The following SORCS2 variants were observed in gnomAD, a reference collection of about 807,000 sequenced individuals.
SORCS2 encodes the protein sortilin related VPS10 domain containing receptor 2.
A neutral mutation model predicts 141.6 loss-of-function variants in SORCS2; 100 were observed. That is an observed-to-expected ratio of 0.71 (90% CI 0.60 to 0.83). The LOEUF (loss-of-function observed/expected upper bound fraction) is 0.83, where lower values mean the gene tolerates loss of function less well. Among genes scored for constraint, SORCS2 ranks in the 40% least tolerant of loss-of-function variants. SORCS2 has a pLI of 0.00. For missense variants in SORCS2, 1,646 were observed against 1,560.2 expected (o/e 1.05, Z -0.93); for synonymous variants, 789 against 676.9 (o/e 1.17, Z -2.57).
Position 7,714,763 on chromosome 4 carries a change from A to G in SORCS2, c.2123+390A>G, listed in dbSNP as rs548570749. ...TCTCAAAAGCTGCCTGTGACTGCCC[A>G]GTGCCCACAGGACAATTTGGCTAAC... On this transcript the variant is annotated intron_variant, in intron 16 of 26. Transcript: ENST00000507866. Among the ~76,000 whole-genome samples the G allele has an allele frequency of 9.9e-5, 15 of 152,270 alleles. No homozygotes were observed. The South Asian group carries it at 3.1e-3, about 32-fold the overall frequency.
chr4:7,541,150 G>A (rs901433640), intron 3 of SORCS2, among the ~76,000 whole-genome samples: 8 of 152,194 alleles, frequency 5.3e-5, no homozygotes, highest in Admixed American at 1.3e-4. Flanking sequence ...ATTACACTTC[G>A]GGAGGGGAGC....
intron 8 of SORCS2, among the ~76,000 whole-genome samples, chr4:7,667,504 A>C (rs1033601805): frequency 2.0e-5 from 3 of 152,150 alleles, no homozygotes; most frequent in African/African-American, 7.2e-5. Flanking sequence ...GAGGAGAAAT[A>C]TCACTTGCTA....
At chr4:7,221,436 C>T (rs1179429177) in intron 1 of SORCS2, among the ~76,000 whole-genome samples, 3 of 152,212 alleles carry the variant, frequency 2.0e-5, no homozygotes, top group South Asian at 2.1e-4. Flanking sequence ...CAGAGACCGC[C>T]GTAGTGACCT....
intron 2 of SORCS2, among the ~76,000 whole-genome samples, chr4:7,438,855 G>T (rs1727471252): frequency 6.6e-6 from 1 of 151,922 alleles, no homozygotes; most frequent in African/African-American, 2.4e-5. Context: ...CCCCACACAT[G>T]TATATATTTG....
intron 2 of SORCS2, among the ~76,000 whole-genome samples, chr4:7,479,980 A>T (rs1730532866): frequency 6.6e-6 from 1 of 152,200 alleles, no homozygotes; most frequent in South Asian, 2.1e-4. Flanking sequence ...CCTGGTAGTG[A>T]ATGCTGCTGG....
intron 1 of SORCS2, among the ~76,000 whole-genome samples, chr4:7,383,274 G>T (rs1723100860): frequency 6.6e-6 from 1 of 152,112 alleles, no homozygotes; most frequent in Admixed American, 6.5e-5. Context: ...GCCTTTAGAG[G>T]TCCACAGCCT....
rs1712652263 is a variant in SORCS2, at chr4:7,741,330, C to G, written c.*1066C>G. The G allele has an allele frequency of 2.5e-6, 1 of 398,750 alleles. No homozygotes were observed. Among genetic ancestry groups the G allele is most frequent in the African/African-American group, 2.1e-5 (1 of 48,574 alleles). The allele number at this position is 398,750 out of a possible 1,614,324, so 24.7% of individuals were successfully genotyped here. A position where few individuals can be genotyped will look rare whatever the true frequency, so the allele number is the denominator to read the frequency against. On this transcript the variant is annotated 3_prime_UTR_variant, in exon 27 of 27. Coordinates refer to ENST00000507866, the MANE Select transcript of SORCS2 (RefSeq NM_020777.3). ...GGAGGAGAGTAACTGAAGGTCACAG[C>G]ACGGTCACAGCAGAGGTGGCCGAAC...
At chr4:7,466,494 G>T (rs901577522) in intron 2 of SORCS2, among the ~76,000 whole-genome samples, 1 of 152,228 alleles carries the variant, frequency 6.6e-6, no homozygotes, top group Non-Finnish European at 1.5e-5. Context: ...TAATGAGCCA[G>T]TTCTGGAGAC....
rs138280115 is a variant in SORCS2, at chr4:7,369,370, G to C, written c.481-26918G>C. Among the ~76,000 whole-genome samples the C allele has an allele frequency of 1.4e-3, 212 of 152,196 alleles. 1 individual carries two copies. The highest frequency in any genetic ancestry group is 4.6e-3 in the African/African-American group (191 of 41,518). ...TTCTTTTATAGATTGCTCAGTCTCG[G>C]GTATGTCTTTATCAGCAGCATGAAA... On this transcript the variant is annotated intron_variant, in intron 1 of 26. Coordinates refer to ENST00000507866, the MANE Select transcript of SORCS2 (RefSeq NM_020777.3).
At chr4:7,451,952 C>A (rs1728489042) in intron 2 of SORCS2, among the ~76,000 whole-genome samples, 1 of 152,204 alleles carries the variant, frequency 6.6e-6, no homozygotes, top group African/African-American at 2.4e-5. Context: ...TGCGCGAGTG[C>A]ACATTTGGCC....
chr4:7,444,730 G>A (rs1727883959), intron 2 of SORCS2, among the ~76,000 whole-genome samples: 2 of 152,214 alleles, frequency 1.3e-5, no homozygotes, highest in African/African-American at 2.4e-5. Context: ...GGAGCATGCC[G>A]AGGAGGAGTC....
chr4:7,570,007 G>A (rs1577768227), intron 3 of SORCS2, among the ~76,000 whole-genome samples: 1 of 152,182 alleles, frequency 6.6e-6, no homozygotes, highest in Non-Finnish European at 1.5e-5. Flanking sequence ...AGGGGACGAG[G>A]GCTCCCAGCG....
intron 2 of SORCS2, among the ~76,000 whole-genome samples, chr4:7,502,409 C>T (rs1692305834): frequency 6.6e-6 from 1 of 152,100 alleles, no homozygotes. Flanking sequence ...TCTCTGTTCT[C>T]AAGGGGATAA....
chr4:7,221,072 C>T (rs1160761732), intron 1 of SORCS2, among the ~76,000 whole-genome samples: 1 of 152,194 alleles, frequency 6.6e-6, no homozygotes, highest in Non-Finnish European at 1.5e-5. Flanking sequence ...TCAGTGACGG[C>T]ACCCAATTAA....
intron 1 of SORCS2, among the ~76,000 whole-genome samples, chr4:7,343,532 C>T (rs916120619): frequency 6.6e-6 from 1 of 152,176 alleles, no homozygotes; most frequent in Non-Finnish European, 1.5e-5. Flanking sequence ...GCACCTGCTC[C>T]CTCTGCACAG....
intron 3 of SORCS2, among the ~76,000 whole-genome samples, chr4:7,559,220 G>T: frequency 6.6e-6 from 1 of 152,276 alleles, no homozygotes; most frequent in Admixed American, 6.5e-5. Context: ...TGGCCCCCGT[G>T]CCCGCAGTGC....
At chr4:7,446,631 A>T (rs1015736857) in intron 2 of SORCS2, among the ~76,000 whole-genome samples, 22 of 152,064 alleles carry the variant, frequency 1.4e-4, no homozygotes, top group African/African-American at 5.3e-4. Context: ...TGGGGTGATG[A>T]GGGGTGGAAT....
intron 2 of SORCS2, among the ~76,000 whole-genome samples, chr4:7,412,413 G>T (rs981380646): frequency 1.3e-5 from 2 of 152,166 alleles, no homozygotes; most frequent in African/African-American, 4.8e-5. Flanking sequence ...GTGCAGGGGG[G>T]TCTGGCTTCT....
At chr4:7,197,849 C>T (rs1219736906) in intron 1 of SORCS2, among the ~76,000 whole-genome samples, 2 of 152,182 alleles carry the variant, frequency 1.3e-5, no homozygotes, top group Non-Finnish European at 2.9e-5. Flanking sequence ...GGCCCTGCCA[C>T]TCTCTGGCTC....
Sources: gnomAD v4.1 joint callset for allele counts (sites outside exome capture counted in the v4.1 genomes callset) on GRCh38, gnomAD v4.1.1 for gene constraint, MANE v1.5 for transcripts, NCBI Gene and HGNC (gene_info 2026-07-23, HGNC 2026-07-21) for gene names.